The following PRSS53 variants were observed in gnomAD, a reference collection of about 807,000 sequenced individuals.
The protein encoded by PRSS53 is EDTP308.
In PRSS53, 54 loss-of-function variants were observed where a neutral mutation model predicts 62.7. The ratio of observed to expected loss-of-function variants is 0.86; its 90% CI spans 0.69 to 1.08. PRSS53 has a LOEUF of 1.08. Among genes scored for constraint, PRSS53 ranks in the 50% least tolerant of loss-of-function variants. PRSS53 has a pLI of 0.00. For synonymous variants in PRSS53, 273 were observed against 300.0 expected (o/e 0.91, Z 0.93); for missense variants, 688 against 728.3 (o/e 0.94, Z 0.64).
At position 31,085,786 on chromosome 16, in the gene PRSS53, C is replaced by A. The variant is rs542125328; in HGVS notation, c.883+178G>T. Reference sequence around the variant, plus strand: ...TTCCTCTTCTCACCTAAACTCCAAACCTGTAGAGTTCCAAAGTGCCTGTGC... The same window carrying A: ...TTCCTCTTCTCACCTAAACTCCAAAACTGTAGAGTTCCAAAGTGCCTGTGC... On this transcript the variant is annotated intron_variant, in intron 6 of 10. Transcript: ENST00000280606. Among the ~76,000 whole-genome samples the A allele has an allele frequency of 6.6e-5, 10 of 152,320 alleles. No individual in the cohort carries two copies. In the East Asian group the frequency reaches 1.5e-3, roughly 23 times the overall value.
At chr16:31,084,357 T>C (rs760922286) in intron 9 of PRSS53, 22 bp from the exon 10 acceptor site, 1 of 1,600,060 alleles carries the variant, frequency 6.2e-7, no homozygotes, top group Non-Finnish European at 8.5e-7. Flanking sequence ...CAGGTGACAC[T>C]GGGTGACTTT....
chr16:31,087,505 G>A (rs769130442), intron 3 of PRSS53, 32 bp downstream of exon 3: 79 of 1,570,974 alleles, frequency 5.0e-5, no homozygotes, highest in East Asian at 9.0e-5. Context: ...CCCCAGAGCC[G>A]GAGACCCTGC....
chr16:31,087,910 G>A lies in PRSS53; in HGVS notation c.59-84C>T. 3 of 1,582,026 alleles carry A rather than the reference G, an allele frequency of 1.9e-6. No individual in the cohort carries two copies. In the South Asian group the frequency reaches 3.4e-5, roughly 18 times the overall value. ...AGGAGAGGGGATGGGCTGGGGGGCG[G>A]GCCCAGGGTCCTTGCCTGTGACTCT... On this transcript the variant is annotated intron_variant, in intron 1 of 10. Transcript: ENST00000280606.
At chr16:31,084,364 CTTTT>C in intron 9 of PRSS53, 29 bp from the exon 10 acceptor site, 1 of 1,594,070 alleles carries the variant, frequency 6.3e-7, no homozygotes, top group Non-Finnish European at 8.5e-7. Context: ...CACTGGGTGA[CTTTT>C]TATAGGCAGC....
At chr16:31,088,673 G>C in intron 1 of PRSS53, 79 bp downstream of exon 1, 1 of 1,601,538 alleles carries the variant, frequency 6.2e-7, no homozygotes, top group Non-Finnish European at 8.5e-7. Context: ...CCCCCACCAA[G>C]AAGCAGGGAC....
At chr16:31,087,340 T>C in intron 3 of PRSS53, 197 bp downstream of exon 3, 1 of 604,576 alleles carries the variant, frequency 1.7e-6, no homozygotes, top group East Asian at 2.8e-5. Flanking sequence ...GCAACCTGAG[T>C]TTTCTGATTT....
At chr16:31,087,634 G>T (rs553055336) in exon 3 of PRSS53, 27 of 1,610,056 alleles carry the variant, frequency 1.7e-5, no homozygotes, top group Non-Finnish European at 2.2e-5. Flanking sequence ...GCCTGCCAGG[G>T]CCACTCGCCA....
chr16:31,086,797 T>C, exon 4 of PRSS53: 1 of 1,613,500 alleles, frequency 6.2e-7, no homozygotes, highest in Non-Finnish European at 8.5e-7. Context: ...CCTGGGCAAC[T>C]GCAGGGCAGC....
exon 6 of PRSS53, chr16:31,086,120 T>C (rs548053658): frequency 6.2e-7 from 1 of 1,613,482 alleles, no homozygotes; most frequent in South Asian, 1.1e-5. Flanking sequence ...GCAAAGCTGA[T>C]GATGCCAGCC....
exon 9 of PRSS53, chr16:31,084,571 A>G: frequency 6.2e-7 from 1 of 1,605,396 alleles, no homozygotes; most frequent in Non-Finnish European, 8.5e-7. Flanking sequence ...ACAGCTGGGC[A>G]GCTCACCCAC....
rs1420508508 is a variant in PRSS53 at position 31,088,647 on chromosome 16, T to G, written c.58+105A>C. The G allele has an allele frequency of 1.9e-6, 3 of 1,578,820 alleles. No individual in the cohort carries two copies. In the East Asian group the frequency reaches 6.8e-5, roughly 36 times the overall value. ...GAGTTACATCCCCACTGGTGGACTG[T>G]CGCCCACAGGCGGTCCCCCCACCAA... On this transcript the variant is annotated intron_variant, in intron 1 of 10. Transcript: ENST00000280606.
chr16:31,088,323 C>T (rs76996380), intron 1 of PRSS53: 6 of 1,117,098 alleles, frequency 5.4e-6, no homozygotes, highest in East Asian at 1.3e-4. Context: ...TCTGAGAGCC[C>T]GCCAGAGAGA....
chr16:31,088,752 C>T, exon 1 of PRSS53: 1 of 1,613,602 alleles, frequency 6.2e-7, no homozygotes, highest in Non-Finnish European at 8.5e-7. Context: ...GGCGGCTTAC[C>T]CTCCATGAGG....
chr16:31,085,022 C>G, exon 8 of PRSS53: 7 of 1,597,916 alleles, frequency 4.4e-6, no homozygotes, highest in Non-Finnish European at 6.0e-6. Context: ...TGGGGCCTGG[C>G]GCCTGTGCAG....
At chr16:31,084,492 T>A in intron 9 of PRSS53, 66 bp downstream of exon 9, 1 of 1,548,736 alleles carries the variant, frequency 6.5e-7, no homozygotes, top group Non-Finnish European at 8.7e-7. Flanking sequence ...GAAGGTCCGT[T>A]CTTGAGCTAT....
exon 5 of PRSS53, chr16:31,086,475 G>A (rs764833651): frequency 6.2e-7 from 1 of 1,613,458 alleles, no homozygotes; most frequent in South Asian, 1.1e-5. Context: ...GGCGCAGATT[G>A]CGTAGGGTCC....
At chr16:31,086,790 G>T in exon 4 of PRSS53, 1 of 1,613,434 alleles carries the variant, frequency 6.2e-7, no homozygotes. Context: ...TATAGGCCCT[G>T]GGCAACTGCA....
At chr16:31,086,060 C>T (rs757146041) in exon 6 of PRSS53, 3 of 1,613,978 alleles carry the variant, frequency 1.9e-6, no homozygotes, top group African/African-American at 2.7e-5. Context: ...GAACTGTGAG[C>T]AGCTGTGTTG....
chr16:31,088,144 G>T lies in PRSS53; in HGVS notation c.59-318C>A, dbSNP rs1233352457. ...CCTGCCCCCGCCACTGAGTCAGCCA[G>T]GCGGCCTGTGTGTGTAGAGAGCATT... On this transcript the variant is annotated intron_variant, in intron 1 of 10. Transcript: ENST00000280606. The T allele has an allele frequency of 2.3e-6, 3 of 1,330,062 alleles. No homozygotes were observed. In the African/African-American group the frequency reaches 4.5e-5, roughly 20 times the overall value. 82.4% of individuals were successfully genotyped at this position (1,330,062 alleles called of 1,614,324 possible).
Sources: allele counts gnomAD v4.1 joint callset (sites outside exome capture counted in the v4.1 genomes callset), GRCh38; gene constraint gnomAD v4.1.1; transcripts MANE v1.5; gene names NCBI Gene and HGNC (gene_info 2026-07-23, HGNC 2026-07-21).